The following HACE1 variants were observed in gnomAD, a reference collection of about 807,000 sequenced individuals.
The protein encoded by HACE1 is E3 ubiquitin-protein ligase HACE1.
HACE1 carries 73 observed loss-of-function variants against 118.4 expected under a neutral mutation model. The observed-to-expected ratio is 0.62, with a 90% CI of 0.51 to 0.75. The LOEUF is 0.75. HACE1 is among the 30% of genes least tolerant of loss of function. The pLI, the probability that HACE1 is intolerant of heterozygous loss-of-function variation, is 0.00. For missense variants in HACE1, 749 were observed against 1,102.2 expected (o/e 0.68, Z 4.54); for synonymous variants, 368 against 374.8 (o/e 0.98, Z 0.21).
At chr6:104,848,253 C>G (rs1582767751) in intron 4 of HACE1, among the ~76,000 whole-genome samples, 2 of 150,990 alleles carry the variant, frequency 1.3e-5, no homozygotes, top group African/African-American at 4.9e-5. Flanking sequence ...GTCAGGAAAT[C>G]GAGACCATCC....
chr6:104,849,083 A>C, intron 4 of HACE1, 59 bp downstream of exon 4: 5 of 953,892 alleles, frequency 5.2e-6, no homozygotes, highest in Admixed American at 5.1e-5. Context: ...AAACGAAGGC[A>C]AAGTGCCTTG....
rs879775701 is a variant in HACE1 at position 104,843,871 on chromosome 6, C to CT, written c.327-574dup. ...ATACATATAAAATTTGCCATCATAA[C>CT]TTTTTTTTTTTTTTGAGACAGAGTC... On this transcript the variant is annotated intron_variant, in intron 4 of 23. Coordinates refer to ENST00000262903, the MANE Select transcript of HACE1 (RefSeq NM_020771.4). Among the ~76,000 whole-genome samples the CT allele has an allele frequency of 1.7e-3, 237 of 142,408 alleles. 1 individual carries two copies. The highest frequency in any genetic ancestry group is 0.011 in the Middle Eastern group (3 of 274). 93.4% of individuals were successfully genotyped at this position (142,408 alleles called of 152,430 possible).
At chr6:104,850,459 T>G (rs1161534154) in intron 3 of HACE1, among the ~76,000 whole-genome samples, 1 of 152,202 alleles carries the variant, frequency 6.6e-6, no homozygotes, top group Non-Finnish European at 1.5e-5. Context: ...CACATCTACC[T>G]AAATCCTGAA....
chr6:104,779,100 T>G (rs1423771706), intron 14 of HACE1, among the ~76,000 whole-genome samples: 3 of 152,088 alleles, frequency 2.0e-5, no homozygotes, highest in African/African-American at 7.2e-5. Flanking sequence ...ATACAGAGAA[T>G]AAATACCAAG....
chr6:104,746,776 A>G (rs9322812), intron 20 of HACE1, among the ~76,000 whole-genome samples: 67,692 of 152,064 alleles, frequency 0.45, 17,306 homozygotes, highest in African/African-American at 0.72. Flanking sequence ...CTGTTCCCTG[A>G]CAGGACTCTG....
chr6:104,821,795 T>A (rs1772743315), intron 6 of HACE1, among the ~76,000 whole-genome samples: 1 of 152,222 alleles, frequency 6.6e-6, no homozygotes. Flanking sequence ...AAATAGTATT[T>A]ATTTAGTACT....
chr6:104,744,122 T>G (rs1330916259), intron 22 of HACE1, 38 bp downstream of exon 22: 3 of 1,183,758 alleles, frequency 2.5e-6, no homozygotes, highest in African/African-American at 3.0e-5. Flanking sequence ...GCAGAATACA[T>G]TAAATTATTT....
At chr6:104,750,249 TTCA>T in intron 20 of HACE1, 89 bp downstream of exon 20, 1 of 1,047,328 alleles carries the variant, frequency 9.5e-7, no homozygotes, top group Non-Finnish European at 1.4e-6. Context: ...CATTATTTCA[TTCA>T]TCATAATACT....
At chr6:104,757,913 T>C (rs1005167772) in intron 19 of HACE1, among the ~76,000 whole-genome samples, 2 of 152,094 alleles carry the variant, frequency 1.3e-5, no homozygotes, top group African/African-American at 4.8e-5. Context: ...TAAGCTCCAA[T>C]AGCCGATTCG....
At chr6:104,803,394 T>G (rs1289697913) in intron 7 of HACE1, among the ~76,000 whole-genome samples, 1 of 152,144 alleles carries the variant, frequency 6.6e-6, no homozygotes, top group Admixed American at 6.5e-5. Flanking sequence ...TACCAAAGCC[T>G]GGCAGAGACA....
intron 11 of HACE1, 34 bp from the exon 12 acceptor site, chr6:104,785,353 T>G (rs766486544): frequency 4.2e-6 from 5 of 1,186,266 alleles, no homozygotes; most frequent in Non-Finnish European, 6.3e-6. Flanking sequence ...TAAACATCAT[T>G]CTTAAACTAC....
chr6:104,781,830 C>T (rs1459840888), intron 14 of HACE1, among the ~76,000 whole-genome samples: 1 of 152,110 alleles, frequency 6.6e-6, no homozygotes, highest in Non-Finnish European at 1.5e-5. Flanking sequence ...CTCCAAAACC[C>T]CACACTAGGC....
chr6:104,804,586 A>C (rs1283227584), intron 7 of HACE1, among the ~76,000 whole-genome samples: 1 of 152,152 alleles, frequency 6.6e-6, no homozygotes, highest in Non-Finnish European at 1.5e-5. Context: ...TCTTTGACAA[A>C]CCTGACAACA....
chr6:104,835,485 C>A (rs970574844), intron 5 of HACE1, among the ~76,000 whole-genome samples: 1 of 151,862 alleles, frequency 6.6e-6, no homozygotes, highest in Non-Finnish European at 1.5e-5. Flanking sequence ...TAGAGACGTG[C>A]AAACTCAAAA....
intron 5 of HACE1, among the ~76,000 whole-genome samples, chr6:104,841,241 T>C (rs890533648): frequency 6.6e-6 from 1 of 152,170 alleles, no homozygotes; most frequent in Non-Finnish European, 1.5e-5. Flanking sequence ...TTTAAATACA[T>C]ACATGAATAA....
At chr6:104,831,496 G>A (rs35028253) in intron 6 of HACE1, among the ~76,000 whole-genome samples, 22,701 of 151,622 alleles carry the variant, frequency 0.15, 1,729 homozygotes, top group Middle Eastern at 0.22. Context: ...GAGGCACAAG[G>A]ATCACTTAAA....
intron 6 of HACE1, among the ~76,000 whole-genome samples, chr6:104,812,120 TAA>T (rs11324245): frequency 1.3e-5 from 2 of 149,730 alleles, no homozygotes; most frequent in African/African-American, 2.4e-5. Flanking sequence ...TGAAAACCTT[TAA>T]AAAAAAAAAC....
At chr6:104,745,440 G>C (rs1777309896) in intron 20 of HACE1, among the ~76,000 whole-genome samples, 1 of 120,822 alleles carries the variant, frequency 8.3e-6, no homozygotes, top group African/African-American at 3.5e-5. Flanking sequence ...TGATGATTCA[G>C]AATATCAGGA....
Position 104,744,228 on chromosome 6 carries a change from C to A in HACE1, c.2445G>T (p.Trp815Cys), listed in dbSNP as rs1220841485. The A allele has an allele frequency of 6.3e-7, 1 of 1,583,128 alleles. No individual in the cohort carries two copies. The highest frequency in any genetic ancestry group is 8.6e-7 in the Non-Finnish European group (1 of 1,160,494). ...TAATGTCTTCTACAACTTCCCAGAACCACTAACAACAAGAACAAAAAACTT... is the reference window on the plus strand; with the variant it reads ...TAATGTCTTCTACAACTTCCCAGAAACACTAACAACAAGAACAAAAAACTT... ...GYEREDPVIQWFWEVVEDITQ... is the reference protein window; with the variant it reads ...GYEREDPVIQCFWEVVEDITQ... The change falls in exon 22 of 24, where the codon TGG becomes TGT. Residue 815 changes from tryptophan to cysteine, a missense_variant and splice_region_variant. Trp to Cys is a radical substitution (Grantham distance 215, BLOSUM62 -2). This residue lies in a region of HACE1 where 165 missense variants were observed against 229.9 expected (regional missense o/e 0.72). Coordinates refer to ENST00000262903, the MANE Select transcript of HACE1 (RefSeq NM_020771.4).
Sources: allele counts gnomAD v4.1 joint callset (sites outside exome capture counted in the v4.1 genomes callset), GRCh38; gene constraint gnomAD v4.1.1; regional missense constraint gnomAD v4.1.1; transcripts MANE v1.5; gene names NCBI Gene and HGNC (gene_info 2026-07-23, HGNC 2026-07-21).